LGMN: variants seen among roughly 807,000 people sequenced by gnomAD.
LGMN encodes asparaginyl endopeptidase.
A neutral mutation model predicts 56.8 loss-of-function variants in LGMN; 36 were observed. The observed-to-expected ratio is 0.63, with a 90% CI of 0.49 to 0.84. The LOEUF (loss-of-function observed/expected upper bound fraction) is 0.84, where lower values mean the gene tolerates loss of function less well. Ranked by LOEUF, LGMN falls within the 40% of genes least tolerant of loss-of-function variation. The probability of loss-of-function intolerance (pLI) is 0.00; values close to 1 mark genes in which losing one functional copy is unlikely to be tolerated. For missense variants in LGMN, 446 were observed against 556.1 expected (o/e 0.80, Z 1.99); for synonymous variants, 199 against 210.1 (o/e 0.95, Z 0.46).
chr14:92,711,363 C>A (rs1193790124), intron 10 of LGMN, among the ~76,000 whole-genome samples: 1 of 152,196 alleles, frequency 6.6e-6, no homozygotes, highest in Admixed American at 6.5e-5. Flanking sequence ...TAACGCATAG[C>A]CCTCTTGCAT....
rs1399982006 is a variant in LGMN, at chr14:92,714,945, T to C, written c.405-494A>G. 1.3e-5 allele frequency among the ~76,000 whole-genome samples: 2 copies of C among 151,928 alleles called. No homozygotes were observed. The highest frequency in any genetic ancestry group is 2.9e-5 in the Non-Finnish European group (2 of 68,016). ...TCAAAGTGGCAGAGATGTAGTAACT[T>C]ACATGAAGCCAATTTGGTTCACCCT... On this transcript the variant is annotated intron_variant, in intron 5 of 13. Coordinates refer to ENST00000334869, the MANE Select transcript of LGMN (RefSeq NM_005606.7). This position sits in a 1 kb window ranked among gnomAD's most constrained non-coding sequence, Gnocchi z 5.1.
intron 3 of LGMN, among the ~76,000 whole-genome samples, 171 bp downstream of exon 3, chr14:92,718,576 A>AAAT (rs1220098530): frequency 6.6e-6 from 1 of 151,158 alleles, no homozygotes; most frequent in Non-Finnish European, 1.5e-5. Context: ...TGTCTCAAAT[A>AAAT]AATAATAATA....
intron 12 of LGMN, among the ~76,000 whole-genome samples, chr14:92,706,010 T>C (rs529915711): frequency 1.9e-4 from 29 of 152,280 alleles, no homozygotes; most frequent in Admixed American, 8.5e-4. Flanking sequence ...TCTAGAAGGA[T>C]TGAAGCACCA....
At chr14:92,723,070 A>G (rs190453468) in intron 2 of LGMN, among the ~76,000 whole-genome samples, 3,306 of 151,386 alleles carry the variant, frequency 0.022, 137 homozygotes, top group African/African-American at 0.076. Flanking sequence ...TTTTTGAGAC[A>G]GAGTCTTGTT....
At chr14:92,740,635 C>T (rs1203988890) in intron 1 of LGMN, among the ~76,000 whole-genome samples, 1 of 152,230 alleles carries the variant, frequency 6.6e-6, no homozygotes, top group Non-Finnish European at 1.5e-5. Context: ...CAGGCCCTCA[C>T]AGTTTCCTCC....
At chr14:92,730,088 G>T (rs1279974635) in intron 2 of LGMN, among the ~76,000 whole-genome samples, 1 of 152,154 alleles carries the variant, frequency 6.6e-6, no homozygotes, top group East Asian at 1.9e-4. Context: ...TAAAAATCAC[G>T]GTGGTTGATG....
rs542840227 is a variant in LGMN at position 92,713,337 on chromosome 14, C to T, written c.544-466G>A. 2.6e-3 allele frequency among the ~76,000 whole-genome samples: 396 copies of T among 152,192 alleles called. 3 individuals carry two copies. Among genetic ancestry groups the T allele is most frequent in the South Asian group, 8.7e-3 (42 of 4,818 alleles). On this transcript the variant is annotated intron_variant, in intron 7 of 13. Transcript: ENST00000334869. ...TCAAGTGATCTTCCCGCCTCAGCCT[C>T]CTAAAGTGCTGGGACTACAGGAGTG...
intron 1 of LGMN, among the ~76,000 whole-genome samples, chr14:92,743,265 G>A (rs1384786091): frequency 6.6e-6 from 1 of 152,176 alleles, no homozygotes; most frequent in African/African-American, 2.4e-5. Context: ...ACTTTGGGAG[G>A]CCAAGGCGGG....
chr14:92,746,015 G>A (rs1891803677), intron 1 of LGMN, among the ~76,000 whole-genome samples: 2 of 152,036 alleles, frequency 1.3e-5, no homozygotes, highest in Non-Finnish European at 1.5e-5. Flanking sequence ...TAGATACGGG[G>A]TTTCACCATG....
chr14:92,714,318 C>T lies in LGMN; in HGVS notation c.480+58G>A, dbSNP rs1210312767. On this transcript the variant is annotated intron_variant, in intron 6 of 13. Coordinates refer to ENST00000334869, the MANE Select transcript of LGMN (RefSeq NM_005606.7). The surrounding 1 kb of genome is among the most constrained non-coding windows in gnomAD (Gnocchi z 5.1). ...ATACACGCTATGGGTTTAATCTCGA[C>T]ACCTAGGCTTGCTTTTCTGTTCTGC... is the stretch of plus-strand genomic sequence containing the variant. The T allele has an allele frequency of 4.1e-6, 5 of 1,213,106 alleles. No homozygotes were observed. Among genetic ancestry groups the T allele is most frequent in the East Asian group, 2.3e-5 (1 of 42,960 alleles). The allele number at this position is 1,213,106 out of a possible 1,614,324, so 75.1% of individuals were successfully genotyped here.
chr14:92,738,957 T>C (rs1178483387), intron 1 of LGMN, among the ~76,000 whole-genome samples: 1 of 150,098 alleles, frequency 6.7e-6, no homozygotes, highest in African/African-American at 2.5e-5. Flanking sequence ...AGGCAGAGGT[T>C]GCAGTGAGCC....
chr14:92,713,803 T>C lies in LGMN; in HGVS notation c.543+20A>G. ...CTCACACCCCCCGCCCCCACAAGGC[T>C]GCCCCAAGGGCTGAATTACCTTTCG... is the stretch of plus-strand genomic sequence containing the variant. On this transcript the variant is annotated intron_variant, in intron 7 of 13. Transcript: ENST00000334869. 6.3e-7 allele frequency: 1 copy of C among 1,593,524 alleles called. No homozygotes were observed. Among genetic ancestry groups the C allele is most frequent in the Non-Finnish European group, 8.6e-7 (1 of 1,161,238 alleles).
In LGMN at chr14:92,712,951, T is replaced by G. The variant is rs1889871415; in HGVS notation, c.544-80A>C. 5 of 1,277,284 alleles carry G rather than the reference T, an allele frequency of 3.9e-6. No individual in the cohort carries two copies. In the Admixed American group the frequency reaches 1.0e-4, roughly 26 times the overall value. 79.1% of individuals were successfully genotyped at this position (1,277,284 alleles called of 1,614,324 possible). A position where few individuals can be genotyped will look rare whatever the true frequency, so the allele number is the denominator to read the frequency against. ...CATGCTACTGGAGCTCTGCCCACTC[T>G]CTCTACCCATTCCTAACAAGTCCTC... is the stretch of plus-strand genomic sequence containing the variant. On this transcript the variant is annotated intron_variant, in intron 7 of 13. Coordinates refer to ENST00000334869, the MANE Select transcript of LGMN (RefSeq NM_005606.7).
chr14:92,745,178 TTAA>T (rs1407052217), intron 1 of LGMN, among the ~76,000 whole-genome samples: 1 of 152,184 alleles, frequency 6.6e-6, no homozygotes, highest in Non-Finnish European at 1.5e-5. Flanking sequence ...CGCTCAATGC[TTAA>T]TAACTTCTCC....
chr14:92,718,640 CTT>C (rs1491563264), intron 3 of LGMN, 105 bp downstream of exon 3: 16 of 658,210 alleles, frequency 2.4e-5, no homozygotes, highest in African/African-American at 1.3e-4. Context: ...CTGGGAGTCT[CTT>C]ATATATTTTA....
intron 1 of LGMN, among the ~76,000 whole-genome samples, chr14:92,740,314 G>T (rs1891491582): frequency 6.6e-6 from 1 of 152,198 alleles, no homozygotes; most frequent in African/African-American, 2.4e-5. Context: ...GCACAGAGTG[G>T]CACATTTGTG....
At chr14:92,729,265 C>T (rs1406052322) in intron 2 of LGMN, among the ~76,000 whole-genome samples, 3 of 151,598 alleles carry the variant, frequency 2.0e-5, no homozygotes, top group Non-Finnish European at 4.4e-5. Flanking sequence ...CCCAGGCTGG[C>T]CACACCCTCA....
chr14:92,710,557 C>T (rs1889707636), intron 10 of LGMN, among the ~76,000 whole-genome samples: 1 of 152,242 alleles, frequency 6.6e-6, no homozygotes, highest in African/African-American at 2.4e-5. Context: ...GAAAATGCTG[C>T]AAGCGTTCTC....
intron 2 of LGMN, among the ~76,000 whole-genome samples, chr14:92,719,248 ACCACCACCACCGCCACCGCCGCCG>A (rs1172131178): frequency 0.015 from 346 of 22,508 alleles, 7 homozygotes; most frequent in Non-Finnish European, 0.025. Context: ...CACCACCGCC[ACCACCACCACCGCCACCGCCGCCG>A]CCGCCACCGC....
Sources: gnomAD v4.1 joint callset for allele counts (sites outside exome capture counted in the v4.1 genomes callset) on GRCh38, gnomAD v4.1.1 for gene constraint, Gnocchi (gnomAD v3.1) non-coding constraint, MANE v1.5 for transcripts, NCBI Gene and HGNC (gene_info 2026-07-23, HGNC 2026-07-21) for gene names.